Variants in TPO observed in about 807,000 individuals in gnomAD.
TPO encodes thyroid microsomal antigen.
TPO carries 78 observed loss-of-function variants against 96.9 expected under a neutral mutation model. The ratio of observed to expected loss-of-function variants is 0.81; its 90% CI spans 0.67 to 0.97. The LOEUF (loss-of-function observed/expected upper bound fraction) is 0.97, where lower values mean the gene tolerates loss of function less well. Among genes scored for constraint, TPO ranks in the 50% least tolerant of loss-of-function variants. The pLI is 0.00. For synonymous variants in TPO, 547 were observed against 538.0 expected, an observed-to-expected ratio of 1.02 and a Z score of -0.23; for missense variants, 1,252 against 1,274.8, an observed-to-expected ratio of 0.98 and a Z score of 0.27.
intron 5 of TPO, among the ~76,000 whole-genome samples, chr2:1,436,714 C>T (rs1172533259): frequency 2.0e-5 from 3 of 152,212 alleles, no homozygotes; most frequent in Non-Finnish European, 4.4e-5. Flanking sequence ...TTCGCTAGCT[C>T]CGCTACCCAT....
At chr2:1,477,011 C>G in intron 7 of TPO, 75 bp from the exon 8 acceptor site, 1 of 1,518,558 alleles carries the variant, frequency 6.6e-7, no homozygotes, top group South Asian at 1.3e-5. Flanking sequence ...GGGTCGTCGC[C>G]GGCCTCGAAC....
chr2:1,383,266 G>A (rs1056170019), intron 1 of TPO, among the ~76,000 whole-genome samples: 2 of 152,102 alleles, frequency 1.3e-5, no homozygotes, highest in Non-Finnish European at 2.9e-5. Context: ...GGGTCAAATG[G>A]TATTTCCAGT....
chr2:1,505,968 C>T (rs78755551), intron 14 of TPO, among the ~76,000 whole-genome samples: 45 of 150,542 alleles, frequency 3.0e-4, no homozygotes, highest in Admixed American at 2.9e-3. Flanking sequence ...CCCATTAACT[C>T]GTCATTTAAC....
intron 8 of TPO, among the ~76,000 whole-genome samples, chr2:1,481,517 G>A (rs1670638278): frequency 6.6e-6 from 1 of 152,312 alleles, no homozygotes; most frequent in African/African-American, 2.4e-5. Flanking sequence ...TTGGATGTGT[G>A]TGGAGGTAGA....
intron 12 of TPO, among the ~76,000 whole-genome samples, 160 bp from the exon 13 acceptor site, chr2:1,496,435 C>T (rs535902639): frequency 1.3e-5 from 2 of 152,302 alleles, no homozygotes; most frequent in South Asian, 2.1e-4. Context: ...TGGGAAGAGG[C>T]CGTGTGTGCT....
chr2:1,397,689 C>T (rs1274265735), intron 1 of TPO, among the ~76,000 whole-genome samples: 2 of 152,154 alleles, frequency 1.3e-5, no homozygotes, highest in Non-Finnish European at 2.9e-5. Context: ...GTTGCTCTCC[C>T]AGCCTCCAAG....
At chr2:1,521,679 C>G (rs1028083189) in intron 15 of TPO, among the ~76,000 whole-genome samples, 5 of 152,034 alleles carry the variant, frequency 3.3e-5, no homozygotes, top group Non-Finnish European at 7.4e-5. Flanking sequence ...AGTGGCCAGC[C>G]TGGGCTACAC....
intron 1 of TPO, among the ~76,000 whole-genome samples, chr2:1,384,424 C>CACAT (rs1292021202): frequency 2.6e-5 from 4 of 152,136 alleles, no homozygotes. Flanking sequence ...AGAGGTCCTT[C>CACAT]ACATCCCTTG....
At chr2:1,517,861 G>T (rs1558394528) in intron 15 of TPO, among the ~76,000 whole-genome samples, 1 of 152,214 alleles carries the variant, frequency 6.6e-6, no homozygotes. Flanking sequence ...GGCCCAGGCT[G>T]GGCCCCCAGG....
At chr2:1,462,364 G>C (rs999308708) in intron 7 of TPO, among the ~76,000 whole-genome samples, 2 of 152,150 alleles carry the variant, frequency 1.3e-5, no homozygotes. Flanking sequence ...ACCCTCAGGG[G>C]ACGACTTGAA....
chr2:1,437,741 C>T (rs1192404998), intron 5 of TPO, among the ~76,000 whole-genome samples: 3 of 152,154 alleles, frequency 2.0e-5, no homozygotes, highest in Non-Finnish European at 2.9e-5. Context: ...CTTAGGACTG[C>T]GGAGCCCCGG....
At chr2:1,488,109 A>T in intron 10 of TPO, 118 bp downstream of exon 10, 1 of 1,435,260 alleles carries the variant, frequency 7.0e-7, no homozygotes, top group East Asian at 2.3e-5. Flanking sequence ...GAGGCCTTCT[A>T]AGCAACGGCT....
intron 1 of TPO, among the ~76,000 whole-genome samples, chr2:1,392,736 T>A (rs911668414): frequency 6.6e-6 from 1 of 152,214 alleles, no homozygotes; most frequent in Non-Finnish European, 1.5e-5. Flanking sequence ...GGTGTGTTTG[T>A]CCAGGAATTT....
At chr2:1,403,426 C>T (rs552252931) in intron 1 of TPO, among the ~76,000 whole-genome samples, 18 of 152,342 alleles carry the variant, frequency 1.2e-4, no homozygotes, top group African/African-American at 3.1e-4. Context: ...CTGGGCTCTC[C>T]GTGGTTCAGC....
chr2:1,397,301 G>T (rs1187093177), intron 1 of TPO, among the ~76,000 whole-genome samples: 1 of 152,174 alleles, frequency 6.6e-6, no homozygotes, highest in Non-Finnish European at 1.5e-5. Context: ...CATTTTTACT[G>T]CAGGAAAACA....
intron 1 of TPO, among the ~76,000 whole-genome samples, chr2:1,383,264 T>G (rs1170482639): frequency 6.6e-6 from 1 of 152,176 alleles, no homozygotes; most frequent in East Asian, 1.9e-4. Flanking sequence ...CTGGGTCAAA[T>G]GGTATTTCCA....
intron 2 of TPO, among the ~76,000 whole-genome samples, chr2:1,417,081 T>C (rs1663040684): frequency 6.6e-6 from 1 of 152,258 alleles, no homozygotes; most frequent in Non-Finnish European, 1.5e-5. Flanking sequence ...AGTCTCACAG[T>C]CTCACGTCCC....
intron 8 of TPO, among the ~76,000 whole-genome samples, chr2:1,483,697 T>G (rs1670855926): frequency 6.6e-6 from 1 of 152,076 alleles, no homozygotes; most frequent in Non-Finnish European, 1.5e-5. Flanking sequence ...TGGGAAACAT[T>G]TGGATGCTGC....
At chr2:1,515,742 C>T (rs899550095) in intron 14 of TPO, among the ~76,000 whole-genome samples, 3 of 151,972 alleles carry the variant, frequency 2.0e-5, no homozygotes, top group Admixed American at 6.5e-5. Context: ...CATTCATCAC[C>T]GACTTTAAAA....
Sources: gnomAD v4.1 joint callset for allele counts (sites outside exome capture counted in the v4.1 genomes callset) on GRCh38, gnomAD v4.1.1 for gene constraint, MANE v1.5 for transcripts, NCBI Gene and HGNC (gene_info 2026-07-23, HGNC 2026-07-21) for gene names.